Variants in PCDH11Y observed in about 807,000 individuals in gnomAD.
PCDH11Y encodes the protein protocadherin-11 Y-linked.
For synonymous variants in PCDH11Y, 9 were observed against 83.6 expected, an observed-to-expected ratio of 0.11 and a Z score of 4.87; for missense variants, 12 against 224.8, an observed-to-expected ratio of 0.05 and a Z score of 6.05.
At chrY:5,580,376 C>T in intron 3 of PCDH11Y, among the ~76,000 whole-genome samples, 1 of 31,038 alleles carries the variant, frequency 3.2e-5, no homozygotes, top group Non-Finnish European at 8.0e-5. Context: ...TACGTTATTA[C>T]TTTTCTGTTT....
intron 2 of PCDH11Y, among the ~76,000 whole-genome samples, chrY:5,458,763 A>C: frequency 3.1e-5 from 1 of 32,584 alleles, no homozygotes; most frequent in Non-Finnish European, 7.7e-5. Flanking sequence ...TCATAAATAC[A>C]TCAACAAGGC....
chrY:5,020,620 A>G, intron 1 of PCDH11Y, among the ~76,000 whole-genome samples: 1 of 33,758 alleles, frequency 3.0e-5, no homozygotes, highest in Non-Finnish European at 7.3e-5. Flanking sequence ...AATGAGTGAT[A>G]AAACTTGAAT....
chrY:5,091,764 A>G, intron 1 of PCDH11Y, among the ~76,000 whole-genome samples: 1 of 33,086 alleles, frequency 3.0e-5, no homozygotes, highest in Non-Finnish European at 7.5e-5. Context: ...GGTATTTATT[A>G]TATATTTTCT....
chrY:5,668,555 T>C (rs2053546741), intron 4 of PCDH11Y, among the ~76,000 whole-genome samples: 1 of 30,099 alleles, frequency 3.3e-5, no homozygotes, highest in Non-Finnish European at 7.9e-5. Context: ...TTTCACTTCA[T>C]TTCATTTGCT....
At chrY:5,542,788 G>A (rs2053408992) in intron 3 of PCDH11Y, among the ~76,000 whole-genome samples, 19 of 31,963 alleles carry the variant, frequency 5.9e-4, no homozygotes, top group Non-Finnish European at 9.9e-4. Context: ...TATGAGGGAT[G>A]TATATCATGA....
intron 4 of PCDH11Y, among the ~76,000 whole-genome samples, chrY:5,626,712 A>G: frequency 6.1e-5 from 2 of 32,822 alleles, no homozygotes; most frequent in African/African-American, 2.4e-4. Context: ...ATTTTTTTTA[A>G]ATAAGATGCA....
At chrY:5,517,798 ACT>A (rs2053374055) in intron 3 of PCDH11Y, among the ~76,000 whole-genome samples, 1 of 32,603 alleles carries the variant, frequency 3.1e-5, no homozygotes, top group Non-Finnish European at 7.6e-5. Flanking sequence ...TAAAAATTTC[ACT>A]CTTATCGCCT....
At chrY:5,571,429 A>T in intron 3 of PCDH11Y, among the ~76,000 whole-genome samples, 3 of 31,657 alleles carry the variant, frequency 9.5e-5, no homozygotes, top group Non-Finnish European at 1.5e-4. Context: ...TATATGACCT[A>T]TTTCTTATTC....
At chrY:5,230,631 G>T (rs2052967039) in intron 2 of PCDH11Y, among the ~76,000 whole-genome samples, 2 of 30,772 alleles carry the variant, frequency 6.5e-5, no homozygotes, top group African/African-American at 1.3e-4. Flanking sequence ...ACCTTCTCCA[G>T]GTTGAATCTG....
At chrY:5,181,230 T>A (rs1225396381) in intron 2 of PCDH11Y, among the ~76,000 whole-genome samples, 1 of 28,347 alleles carries the variant, frequency 3.5e-5, no homozygotes, top group African/African-American at 1.4e-4. Context: ...TCTTCAAGAA[T>A]GTTGAATATT....
chrY:5,177,531 G>A, intron 2 of PCDH11Y, among the ~76,000 whole-genome samples: 1 of 33,594 alleles, frequency 3.0e-5, no homozygotes, highest in Admixed American at 2.7e-4. Context: ...AAAAGAATGA[G>A]ATCCAGACAT....
intron 2 of PCDH11Y, among the ~76,000 whole-genome samples, chrY:5,350,443 C>T (rs371186076): frequency 9.6e-4 from 30 of 31,375 alleles, no homozygotes; most frequent in South Asian, 8.1e-3. Flanking sequence ...CGGTGTCCCA[C>T]GCCTGTAATC....
intron 2 of PCDH11Y, among the ~76,000 whole-genome samples, chrY:5,250,380 T>C (rs1175746352): frequency 2.1e-3 from 67 of 32,483 alleles, no homozygotes; most frequent in Non-Finnish European, 4.7e-3. Flanking sequence ...AAAATGCCCA[T>C]TGATGATAGA....
intron 3 of PCDH11Y, among the ~76,000 whole-genome samples, chrY:5,039,166 A>C: frequency 6.1e-5 from 2 of 32,689 alleles, no homozygotes; most frequent in Non-Finnish European, 1.5e-4. Flanking sequence ...GCACAGCTCT[A>C]GATGCTTATA....
chrY:5,479,066 C>T (rs2053322947), intron 2 of PCDH11Y, among the ~76,000 whole-genome samples: 1 of 32,220 alleles, frequency 3.1e-5, no homozygotes, highest in Non-Finnish European at 7.6e-5. Flanking sequence ...TGAATTTGAT[C>T]CTGTCATTAT....
intron 2 of PCDH11Y, among the ~76,000 whole-genome samples, chrY:5,171,742 C>A (rs1179110261): frequency 9.0e-5 from 3 of 33,389 alleles, no homozygotes; most frequent in Non-Finnish European, 7.5e-5. Flanking sequence ...AAAAGAAATG[C>A]TATTTAAAAT....
chrY:5,736,847 T>C, intron 4 of PCDH11Y, among the ~76,000 whole-genome samples: 6 of 32,640 alleles, frequency 1.8e-4, no homozygotes, highest in Non-Finnish European at 3.8e-4. Context: ...TATTATTAGC[T>C]AACTATTTTT....
chrY:5,672,644 A>G, intron 4 of PCDH11Y, among the ~76,000 whole-genome samples: 1 of 32,074 alleles, frequency 3.1e-5, no homozygotes, highest in East Asian at 8.2e-4. Context: ...TTCTAGTTTT[A>G]CATATTTGAA....
intron 4 of PCDH11Y, among the ~76,000 whole-genome samples, chrY:5,688,997 A>C: frequency 3.3e-5 from 1 of 30,521 alleles, no homozygotes; most frequent in Admixed American, 3.1e-4. Flanking sequence ...CAGGAGTTCG[A>C]GACCAGCCTG....
Sources: gnomAD v4.1 joint callset for allele counts (sites outside exome capture counted in the v4.1 genomes callset) on GRCh38, gnomAD v4.1.1 for gene constraint, MANE v1.5 for transcripts, NCBI Gene and HGNC (gene_info 2026-07-23, HGNC 2026-07-21) for gene names.